The following FAM81A variants were observed in gnomAD, a reference collection of about 807,000 sequenced individuals.
FAM81A encodes protein FAM81A.
A neutral mutation model predicts 46.7 loss-of-function variants in FAM81A; 19 were observed. The observed-to-expected ratio is 0.41, with a 90% CI of 0.28 to 0.60. FAM81A has a LOEUF of 0.60. Among genes scored for constraint, FAM81A ranks in the 20% least tolerant of loss-of-function variants. The probability of loss-of-function intolerance (pLI) is 0.34; values close to 1 mark genes in which losing one functional copy is unlikely to be tolerated. For synonymous variants in FAM81A, 183 were observed against 152.9 expected (o/e 1.20, Z -1.45); for missense variants, 377 against 453.5 (o/e 0.83, Z 1.53).
In FAM81A at chr15:59,399,472, T is replaced by C. The variant is rs79619296; in HGVS notation, c.-160-2804T>C. Among the ~76,000 whole-genome samples the C allele has an allele frequency of 8.8e-4, 134 of 151,980 alleles. 1 individual carries two copies. The highest frequency in any genetic ancestry group is 3.0e-3 in the African/African-American group (126 of 41,452). On this transcript the variant is annotated intron_variant, in intron 1 of 4. Transcript: ENST00000558348. ...GATTAGCAGTCTCTGCCACAAACAT[T>C]GAACCCAGCTGTAAGACATCAAAAA...
At chr15:59,428,956 C>T (rs1292816087) in intron 2 of FAM81A, among the ~76,000 whole-genome samples, 2 of 152,108 alleles carry the variant, frequency 1.3e-5, no homozygotes, top group African/African-American at 4.8e-5. Flanking sequence ...GATCTACTTT[C>T]TCATACCTAG....
chr15:59,483,199 G>A (rs1423402336), intron 3 of FAM81A, among the ~76,000 whole-genome samples: 1 of 152,040 alleles, frequency 6.6e-6, no homozygotes, highest in African/African-American at 2.4e-5. Context: ...CATCACGCCT[G>A]ACTAATTTTT....
At chr15:59,517,062 C>T (rs1181184422) in intron 8 of FAM81A, among the ~76,000 whole-genome samples, 2 of 152,112 alleles carry the variant, frequency 1.3e-5, no homozygotes, top group Non-Finnish European at 2.9e-5. Flanking sequence ...GCAAACAGAA[C>T]TGAAATTGCT....
chr15:59,399,890 C>T (rs17190875), intron 1 of FAM81A, among the ~76,000 whole-genome samples: 3 of 152,064 alleles, frequency 2.0e-5, no homozygotes, highest in Non-Finnish European at 4.4e-5. Flanking sequence ...AAGCCCCATA[C>T]TTATTTTTCA....
chr15:59,427,255 T>C (rs1253075526), intron 2 of FAM81A, among the ~76,000 whole-genome samples: 1 of 152,020 alleles, frequency 6.6e-6, no homozygotes. Flanking sequence ...GGATCACAGG[T>C]GCATGCCACC....
At chr15:59,419,430 G>A (rs1228645225) in intron 2 of FAM81A, among the ~76,000 whole-genome samples, 2 of 152,028 alleles carry the variant, frequency 1.3e-5, no homozygotes, top group Non-Finnish European at 2.9e-5. Flanking sequence ...GTTCATCAAG[G>A]ACCATTTTAA....
intron 7 of FAM81A, among the ~76,000 whole-genome samples, chr15:59,515,476 C>A (rs1363156594): frequency 6.6e-6 from 1 of 152,088 alleles, no homozygotes; most frequent in East Asian, 1.9e-4. Context: ...GAATTGCAGA[C>A]TCTGCATTGA....
intron 1 of FAM81A, among the ~76,000 whole-genome samples, chr15:59,449,647 T>G (rs555651387): frequency 1.3e-3 from 192 of 151,988 alleles, no homozygotes; most frequent in Non-Finnish European, 2.6e-3. Flanking sequence ...CCGGGCGTGG[T>G]GGCGGGCGCC....
At chr15:59,415,369 T>G (rs2081142171) in intron 2 of FAM81A, among the ~76,000 whole-genome samples, 1 of 149,582 alleles carries the variant, frequency 6.7e-6, no homozygotes, top group Admixed American at 6.6e-5. Context: ...CCTCTTGTCT[T>G]GACCTCCTAG....
intron 1 of FAM81A, chr15:59,401,409 C>G (rs2140462210): frequency 1.3e-6 from 1 of 799,126 alleles, no homozygotes; most frequent in East Asian, 2.4e-5. Context: ...TTCTTTACAC[C>G]AAATATTGGT....
At chr15:59,437,125 C>G (rs2081248565), upstream of FAM81A, among the ~76,000 whole-genome samples, 1 of 152,160 alleles carries the variant, frequency 6.6e-6, no homozygotes, top group South Asian at 2.1e-4. Context: ...AGATCACACA[C>G]AAATAACAGT....
chr15:59,519,600 C>A (rs1032356452), intron 8 of FAM81A, among the ~76,000 whole-genome samples: 8 of 150,506 alleles, frequency 5.3e-5, no homozygotes, highest in Non-Finnish European at 1.2e-4. Flanking sequence ...CTTCCCCTCC[C>A]CTCCCCTTCC....
chr15:59,521,138 G>A (rs2082323730), intron 8 of FAM81A, 116 bp from the exon 9 acceptor site: 1 of 1,146,526 alleles, frequency 8.7e-7, no homozygotes, highest in Non-Finnish European at 1.2e-6. Context: ...TCATCCCAGA[G>A]GTTTTAGCAT....
At chr15:59,450,722 C>G (rs144927442) in intron 1 of FAM81A, among the ~76,000 whole-genome samples, 223 of 152,304 alleles carry the variant, frequency 1.5e-3, no homozygotes, top group African/African-American at 5.2e-3. Context: ...AAAACTTATT[C>G]AAGTTCTTAC....
In FAM81A at chr15:59,414,196, C is replaced by T. The variant is rs574031176; in HGVS notation, c.-78+11838C>T. ...CTTGAGCTCCTGGCCTCAAGTGATC[C>T]GCCCGCCTTGGCCTCCTAAAGTGCT... On this transcript the variant is annotated intron_variant, in intron 2 of 4. Coordinates refer to the FAM81A transcript ENST00000558348. 6.6e-5 allele frequency among the ~76,000 whole-genome samples: 10 copies of T among 152,108 alleles called. No homozygotes were observed. The South Asian group carries it at 1.2e-3, about 19-fold the overall frequency.
rs1206186244 is a variant in FAM81A at position 59,428,621 on chromosome 15, CTTTTTTTTTTTTT to C, written c.-78+26278_-78+26290del. Among the ~76,000 whole-genome samples the C allele has an allele frequency of 2.6e-4, 18 of 70,286 alleles. No homozygotes were observed. The South Asian group carries it at 4.4e-3, about 17-fold the overall frequency. The allele number at this position is 70,286 out of a possible 152,430, so 46.1% of individuals were successfully genotyped here. On this transcript the variant is annotated intron_variant, in intron 2 of 4. Coordinates refer to the FAM81A transcript ENST00000558348. ...CTACTACCTAGATCCATGTCTACTC[CTTTTTTTTTTTTT>C]TTTTTTTTTTTTTTGAGATAGTGTC...
intron 1 of FAM81A, chr15:59,444,065 G>A (rs1283158564): frequency 2.6e-5 from 4 of 152,298 alleles, no homozygotes; most frequent in Non-Finnish European, 1.5e-5. Context: ...TCTGCCCAGT[G>A]GCACTGACCA....
At chr15:59,496,306 A>G (rs1008616001) in intron 4 of FAM81A, among the ~76,000 whole-genome samples, 1 of 152,188 alleles carries the variant, frequency 6.6e-6, no homozygotes, top group African/African-American at 2.4e-5. Flanking sequence ...TTGGCACCCT[A>G]GTTGAAAAAT....
chr15:59,504,587 T>G (rs1310928314), intron 4 of FAM81A, among the ~76,000 whole-genome samples: 1 of 152,210 alleles, frequency 6.6e-6, no homozygotes, highest in Non-Finnish European at 1.5e-5. Context: ...CTCACTATTG[T>G]TTTTTGCACC....
Sources: allele counts gnomAD v4.1 joint callset (sites outside exome capture counted in the v4.1 genomes callset), GRCh38; gene constraint gnomAD v4.1.1; transcripts MANE v1.5; gene names NCBI Gene and HGNC (gene_info 2026-07-23, HGNC 2026-07-21).